PTPRD: variants seen among roughly 807,000 people sequenced by gnomAD.
PTPRD encodes protein tyrosine phosphatase receptor type D.
Under a neutral mutation model 214.5 loss-of-function variants are expected in PTPRD, and 34 were observed. The ratio of observed to expected loss-of-function variants is 0.16; its 90% confidence interval spans 0.12 to 0.21. The LOEUF (loss-of-function observed/expected upper bound fraction) is 0.21. Among genes scored for constraint, PTPRD ranks in the 10% least tolerant of loss-of-function variants. The pLI is 1.00. For synonymous variants in PTPRD, 1,128 were observed against 845.7 expected, an observed-to-expected ratio of 1.33 and a Z score of -5.79; for missense variants, 2,545 against 2,398.7, an observed-to-expected ratio of 1.06 and a Z score of -1.27.
At chr9:8,320,512 T>C (rs868619534) in intron 44 of PTPRD, among the ~76,000 whole-genome samples, 1 of 152,086 alleles carries the variant, frequency 6.6e-6, no homozygotes, top group African/African-American at 2.4e-5. Flanking sequence ...TATAACAGGG[T>C]ATATACGTGA....
intron 9 of PTPRD, among the ~76,000 whole-genome samples, chr9:9,365,128 G>C (rs1206964872): frequency 3.3e-5 from 5 of 151,390 alleles, no homozygotes; most frequent in Admixed American, 6.6e-5. Flanking sequence ...CTCAGACAGA[G>C]GTTAAATACT....
rs951552702 is a variant in PTPRD at position 8,803,678 on chromosome 9, C to T, written c.-103-69732G>A. On this transcript the variant is annotated intron_variant, in intron 11 of 45. Transcript: ENST00000381196. ...GGTGAAGCCTACAGAAAGCTGTGAT[C>T]GGCTCACTTGTAACCACTGCACTCC... Among the ~76,000 whole-genome samples, 4 of 151,564 alleles carry T rather than the reference C, an allele frequency of 2.6e-5. No individual in the cohort carries two copies. The South Asian group carries it at 6.2e-4, about 24-fold the overall frequency.
chr9:9,502,202 C>T (rs150661029), intron 8 of PTPRD, among the ~76,000 whole-genome samples: 318 of 151,934 alleles, frequency 2.1e-3, no homozygotes, highest in African/African-American at 7.2e-3. Context: ...CCATGCTGTA[C>T]GTTAGATCTC....
chr9:8,689,765 C>G (rs975814909), intron 12 of PTPRD, among the ~76,000 whole-genome samples: 2 of 152,074 alleles, frequency 1.3e-5, no homozygotes, highest in African/African-American at 2.4e-5. Flanking sequence ...TAGAATATTA[C>G]TGTTTTTCTA....
intron 4 of PTPRD, among the ~76,000 whole-genome samples, chr9:10,023,039 A>G (rs1330368081): frequency 6.6e-6 from 1 of 152,206 alleles, no homozygotes; most frequent in African/African-American, 2.4e-5. Context: ...AACTGTTAAA[A>G]TTAAAATAAT....
chr9:8,329,099 G>A (rs960835371), intron 44 of PTPRD, among the ~76,000 whole-genome samples: 3 of 152,106 alleles, frequency 2.0e-5, no homozygotes, highest in African/African-American at 7.2e-5. Flanking sequence ...TCCTTTGGAG[G>A]AGAAGAGGCG....
At chr9:10,038,560 T>C (rs2097232873) in intron 3 of PTPRD, among the ~76,000 whole-genome samples, 1 of 152,120 alleles carries the variant, frequency 6.6e-6, no homozygotes, top group Non-Finnish European at 1.5e-5. Context: ...ATACTAATAT[T>C]ATCACCATTT....
At chr9:10,323,775 T>A (rs925471274) in intron 3 of PTPRD, among the ~76,000 whole-genome samples, 1 of 152,016 alleles carries the variant, frequency 6.6e-6, no homozygotes, top group African/African-American at 2.4e-5. Context: ...ATTTTAAATA[T>A]TGGGATATAA....
intron 35 of PTPRD, among the ~76,000 whole-genome samples, chr9:8,428,689 G>C (rs2094852155): frequency 6.6e-6 from 1 of 152,160 alleles, no homozygotes; most frequent in African/African-American, 2.4e-5. Flanking sequence ...GTGTGTGTAT[G>C]TGTGTGTGTT....
chr9:8,924,275 T>G (rs1484630293), intron 11 of PTPRD, among the ~76,000 whole-genome samples: 1 of 152,134 alleles, frequency 6.6e-6, no homozygotes, highest in Non-Finnish European at 1.5e-5. Flanking sequence ...ATTCTTGATA[T>G]TTTTCCTTAA....
chr9:9,818,612 A>T (rs1598681844), intron 5 of PTPRD, among the ~76,000 whole-genome samples: 1 of 152,140 alleles, frequency 6.6e-6, no homozygotes, highest in African/African-American at 2.4e-5. Flanking sequence ...ACTAACAAAC[A>T]TTATTATTCC....
rs540190634 is a variant in PTPRD at position 9,367,969 on chromosome 9, G to T, written c.-203+29480C>A. Among the ~76,000 whole-genome samples, 5 of 151,850 alleles carry T rather than the reference G, an allele frequency of 3.3e-5. No homozygotes were observed. The East Asian group carries it at 9.7e-4, about 30-fold the overall frequency. ...TAGGTCATATGAGGAACAACTGGGT[G>T]ACATCGTATATGTTGACGTAAGGAC... On this transcript the variant is annotated intron_variant, in intron 9 of 45. Transcript: ENST00000381196.
intron 11 of PTPRD, among the ~76,000 whole-genome samples, chr9:8,970,287 A>G (rs1199186087): frequency 2.0e-5 from 3 of 151,920 alleles, no homozygotes; most frequent in Non-Finnish European, 4.4e-5. Flanking sequence ...ATCTGCAGAA[A>G]CACTATGACA....
chr9:10,089,127 A>G (rs1805837416), intron 3 of PTPRD, among the ~76,000 whole-genome samples: 1 of 151,416 alleles, frequency 6.6e-6, no homozygotes, highest in African/African-American at 2.4e-5. Flanking sequence ...GGATTGCTTA[A>G]GCCTAGGAGT....
chr9:9,965,892 T>C (rs947683614), intron 4 of PTPRD, among the ~76,000 whole-genome samples: 3 of 152,212 alleles, frequency 2.0e-5, no homozygotes, highest in Non-Finnish European at 4.4e-5. Context: ...TTAGCATGTC[T>C]CTTTCCTTAG....
chr9:8,517,477 C>A (rs960587924), intron 21 of PTPRD, among the ~76,000 whole-genome samples: 4 of 152,208 alleles, frequency 2.6e-5, no homozygotes, highest in African/African-American at 9.6e-5. Flanking sequence ...CTTGAACCAT[C>A]CAATCTTACA....
At chr9:10,138,412 A>G (rs530315369) in intron 3 of PTPRD, among the ~76,000 whole-genome samples, 80 of 152,014 alleles carry the variant, frequency 5.3e-4, no homozygotes, top group African/African-American at 1.9e-3. Flanking sequence ...AGCAACAACA[A>G]AACAAAACAA....
chr9:9,613,703 A>G (rs2154347182), intron 7 of PTPRD, among the ~76,000 whole-genome samples: 1 of 152,312 alleles, frequency 6.6e-6, no homozygotes, highest in East Asian at 1.9e-4. Context: ...TTCATGGACT[A>G]GTAGCATGGG....
chr9:10,195,288 A>T (rs2099393471), intron 3 of PTPRD, among the ~76,000 whole-genome samples: 1 of 152,050 alleles, frequency 6.6e-6, no homozygotes, highest in African/African-American at 2.4e-5. Context: ...AAGGAAGGTA[A>T]TGATTGAGCC....
Sources: allele counts gnomAD v4.1 joint callset (sites outside exome capture counted in the v4.1 genomes callset), GRCh38; gene constraint gnomAD v4.1.1; transcripts MANE v1.5; gene names NCBI Gene and HGNC (gene_info 2026-07-23, HGNC 2026-07-21).